LMAN2: variants seen among roughly 807,000 people sequenced by gnomAD.
LMAN2 encodes the protein lectin, mannose binding 2.
Under a neutral mutation model 39.3 loss-of-function variants are expected in LMAN2, and 22 were observed. That is an observed-to-expected ratio of 0.56 (90% CI 0.40 to 0.80). The LOEUF (loss-of-function observed/expected upper bound fraction) is 0.80. Among genes scored for constraint, LMAN2 ranks in the 30% least tolerant of loss-of-function variants. LMAN2 has a pLI of 0.00. For missense variants in LMAN2, 494 were observed against 505.4 expected, an observed-to-expected ratio of 0.98 and a Z score of 0.22; for synonymous variants, 207 against 207.8, an observed-to-expected ratio of 1.00 and a Z score of 0.03.
chr5:177,348,120 T>C (rs909404130), intron 2 of LMAN2, among the ~76,000 whole-genome samples: 1 of 152,184 alleles, frequency 6.6e-6, no homozygotes, highest in African/African-American at 2.4e-5. Context: ...GACATCCTAC[T>C]GAGATCTCAT....
chr5:177,351,454 T>C lies in LMAN2; in HGVS notation c.194A>G (p.Gln65Arg). Reference sequence around the variant, plus strand: ...CATTCCCGCCCCAAGGGCTTCACCTTGGTAGGGCTTAATGAGCGAATGCTC... The same window carrying C: ...CATTCCCGCCCCAAGGGCTTCACCTCGGTAGGGCTTAATGAGCGAATGCTC... ...KREHSLIKPY[Q>R]GVGSSSMPLW... is the part of the protein sequence containing the mutation. Residue 65 changes from glutamine (Q) to arginine (R), a missense_variant and splice_region_variant, in exon 1 of 8, where the codon CAA becomes CGA. Physicochemically the swap from Gln to Arg is conservative, Grantham distance 43. Transcript: ENST00000303127. The C allele has an allele frequency of 6.2e-7, 1 of 1,612,852 alleles. No individual in the cohort carries two copies. The highest frequency in any genetic ancestry group is 8.5e-7 in the Non-Finnish European group (1 of 1,179,276).
chr5:177,351,349 G>A, intron 1 of LMAN2, 58 bp from the exon 2 acceptor site: 1 of 1,608,384 alleles, frequency 6.2e-7, no homozygotes, highest in Non-Finnish European at 8.5e-7. Flanking sequence ...CCAGAGGCAG[G>A]AAACCCACAG....
In LMAN2 at chr5:177,332,344, G is replaced by A. The variant is rs569899569; in HGVS notation, c.911-98C>T. 7.1e-5 allele frequency: 83 copies of A among 1,172,028 alleles called. No individual in the cohort carries two copies. The highest frequency in any genetic ancestry group is 2.8e-4 in the Middle Eastern group (1 of 3,554). 72.6% of individuals were successfully genotyped at this position (1,172,028 alleles called of 1,614,324 possible). A position where few individuals can be genotyped will look rare whatever the true frequency, so the allele number is the denominator to read the frequency against. ...GGGATGGAACAGGACAGCCGGCCAC[G>A]GTGGGCAGGCCGGTCGTACTCACCC... is the stretch of plus-strand genomic sequence containing the variant. On this transcript the variant is annotated intron_variant, in intron 7 of 7. Coordinates refer to ENST00000303127, the MANE Select transcript of LMAN2 (RefSeq NM_006816.3). This position sits in a 1 kb window ranked among gnomAD's most constrained non-coding sequence, Gnocchi z 6.3.
At position 177,334,591 on chromosome 5, in the gene LMAN2, G is replaced by A. The variant is rs1051505338; in HGVS notation, c.791-188C>T. 1.7e-5 allele frequency: 11 copies of A among 641,990 alleles called. No individual in the cohort carries two copies. In the African/African-American group the frequency reaches 1.8e-4, roughly 11 times the overall value. 39.8% of individuals were successfully genotyped at this position (641,990 alleles called of 1,614,324 possible). On this transcript the variant is annotated intron_variant, in intron 6 of 7. Transcript: ENST00000303127. ...CTCCAGTCACCAGCAATAAAAAAGAGAGGAGGCAGAGTGGAGAGAAAACAG... is the reference window on the plus strand; with the variant it reads ...CTCCAGTCACCAGCAATAAAAAAGAAAGGAGGCAGAGTGGAGAGAAAACAG...
chr5:177,346,441 T>G (rs78238215), intron 2 of LMAN2: 22 of 399,336 alleles, frequency 5.5e-5, no homozygotes. Context: ...ACTATTTTAA[T>G]AAATTGATTA....
intron 6 of LMAN2, 118 bp from the exon 7 acceptor site, chr5:177,334,521 G>A (rs1440900721): frequency 1.4e-6 from 2 of 1,404,096 alleles, no homozygotes; most frequent in African/African-American, 1.4e-5. Flanking sequence ...GGCCCCTGGG[G>A]AGAGCACTGC....
chr5:177,333,263 C>G (rs1761417782), intron 7 of LMAN2, among the ~76,000 whole-genome samples: 1 of 152,264 alleles, frequency 6.6e-6, no homozygotes, highest in Non-Finnish European at 1.5e-5. Context: ...CCTGCCTGAT[C>G]TCGTGTCTCC....
chr5:177,346,829 T>G (rs1212057944), intron 2 of LMAN2, among the ~76,000 whole-genome samples: 1 of 152,054 alleles, frequency 6.6e-6, no homozygotes, highest in Non-Finnish European at 1.5e-5. Flanking sequence ...AACAAAGCTC[T>G]CTTAGTAACT....
In LMAN2 at chr5:177,337,157, C is replaced by A. The variant is rs1414561874; in HGVS notation, c.769G>T (p.Ala257Ser). 6.2e-7 allele frequency: 1 copy of A among 1,613,460 alleles called. No homozygotes were observed. The change falls in exon 6 of 8, where the codon GCC becomes TCC. Residue 257 changes from alanine to serine, a missense_variant. Ala to Ser is a moderately conservative substitution (Grantham distance 99, BLOSUM62 1). Coordinates refer to ENST00000303127, the MANE Select transcript of LMAN2 (RefSeq NM_006816.3). The surrounding 1 kb of genome is among the most constrained non-coding windows in gnomAD (Gnocchi z 8.2). The stretch of plus-strand genomic sequence containing the variant: ...TCACCAGACAGGTCGCCGGTGCCGG[C>A]GGAGGCCCCGAAGTAGTAGCCGGTG... ...LPTGYYFGAS[A>S]GTGDLSDNHD...
chr5:177,334,434 C>T, intron 6 of LMAN2, 31 bp from the exon 7 acceptor site: 2 of 1,600,084 alleles, frequency 1.2e-6, no homozygotes, highest in Non-Finnish European at 1.7e-6. Context: ...CTGTGACAGC[C>T]TACAGGCCAG....
In LMAN2 at chr5:177,349,980, G is replaced by T. The variant is rs568411275; in HGVS notation, c.315+1193C>A. Among the ~76,000 whole-genome samples, 7 of 152,290 alleles carry T rather than the reference G, an allele frequency of 4.6e-5. No individual in the cohort carries two copies. In the East Asian group the frequency reaches 7.7e-4, roughly 17 times the overall value. Reference sequence around the variant, plus strand: ...CTGAGGCAAGAAGGCAGCCAGGGGGGGCTGGAACAAAATTAACACAGAGAA... The same window carrying T: ...CTGAGGCAAGAAGGCAGCCAGGGGGTGCTGGAACAAAATTAACACAGAGAA... On this transcript the variant is annotated intron_variant, in intron 2 of 7. Transcript: ENST00000303127.
intron 6 of LMAN2, 94 bp from the exon 7 acceptor site, chr5:177,334,497 C>A: frequency 6.6e-7 from 1 of 1,504,826 alleles, no homozygotes; most frequent in Non-Finnish European, 8.9e-7. Flanking sequence ...CTGCTGCAGC[C>A]AGTAAACCTG....
At chr5:177,348,612 C>T (rs964328763) in intron 2 of LMAN2, among the ~76,000 whole-genome samples, 2 of 141,354 alleles carry the variant, frequency 1.4e-5, no homozygotes, top group Non-Finnish European at 3.0e-5. Context: ...CGCTTGAACT[C>T]GTGAGGTGGA....
Position 177,351,223 on chromosome 5 carries a change from G to A in LMAN2, c.265C>T (p.Arg89Cys), listed in dbSNP as rs561835192. Residue 89 changes from arginine (R) to cysteine (C), a missense_variant, in exon 2 of 8, where the codon CGT becomes TGT. Transcript: ENST00000303127. ...TTGCTGCGCTCGTCAGGGGTCAGAC[G>A]TACGTACTGGCTCGTGAGCATAGTG... is the stretch of plus-strand genomic sequence containing the variant. Reference protein sequence around the residue: ...GSTMLTSQYVRLTPDERSKEG... With the variant: ...GSTMLTSQYVCLTPDERSKEG... 1 of 1,614,220 alleles carries A rather than the reference G, an allele frequency of 6.2e-7. No homozygotes were observed. Among genetic ancestry groups the A allele is most frequent in the East Asian group, 2.2e-5 (1 of 44,890 alleles).
chr5:177,343,929 G>C (rs1761595189), intron 2 of LMAN2, among the ~76,000 whole-genome samples: 1 of 152,042 alleles, frequency 6.6e-6, no homozygotes, highest in Non-Finnish European at 1.5e-5. Flanking sequence ...GTTAAAATGG[G>C]CCAGGCGCAG....
At chr5:177,350,478 G>A in intron 2 of LMAN2, among the ~76,000 whole-genome samples, 1 of 152,162 alleles carries the variant, frequency 6.6e-6, no homozygotes, top group Non-Finnish European at 1.5e-5. Context: ...CTGAGGCAAA[G>A]GTCACAGACA....
Position 177,337,878 on chromosome 5 carries a change from A to G in LMAN2, c.434-93T>C. 9.4e-7 allele frequency: 1 copy of G among 1,059,312 alleles called. No individual in the cohort carries two copies. Among genetic ancestry groups the G allele is most frequent in the Non-Finnish European group, 1.4e-6 (1 of 699,298 alleles). The allele number at this position is 1,059,312 out of a possible 1,614,324, so 65.6% of individuals were successfully genotyped here. The stretch of plus-strand genomic sequence containing the variant: ...AAGCAATGCCAACATGGGTGGGGGC[A>G]AGAGAGCCCAACCCACTGGCCATTC... On this transcript the variant is annotated intron_variant, in intron 3 of 7. Coordinates refer to ENST00000303127, the MANE Select transcript of LMAN2 (RefSeq NM_006816.3). The surrounding 1 kb of genome is among the most constrained non-coding windows in gnomAD (Gnocchi z 8.2).
chr5:177,334,260 C>T (rs1483947636), intron 7 of LMAN2, 24 bp downstream of exon 7: 4 of 1,600,214 alleles, frequency 2.5e-6, no homozygotes. Flanking sequence ...CAGGCCCAGG[C>T]AGGGCGGGGC....
chr5:177,332,810 T>G lies in LMAN2; in HGVS notation c.911-564A>C, dbSNP rs1400231090. Reference sequence around the variant, plus strand: ...GATGGGGCCCACTGGTACGCTCCCTTGTACAGGCGGAGAGAAGACACTGAC... The same window carrying G: ...GATGGGGCCCACTGGTACGCTCCCTGGTACAGGCGGAGAGAAGACACTGAC... On this transcript the variant is annotated intron_variant, in intron 7 of 7. Coordinates refer to ENST00000303127, the MANE Select transcript of LMAN2 (RefSeq NM_006816.3). This position sits in a 1 kb window ranked among gnomAD's most constrained non-coding sequence, Gnocchi z 6.3. Among the ~76,000 whole-genome samples the G allele has an allele frequency of 6.6e-6, 1 of 152,114 alleles. No homozygotes were observed. Among genetic ancestry groups the G allele is most frequent in the Non-Finnish European group, 1.5e-5 (1 of 68,006 alleles).
Sources: allele counts gnomAD v4.1 joint callset (sites outside exome capture counted in the v4.1 genomes callset), GRCh38; gene constraint gnomAD v4.1.1; non-coding constraint Gnocchi (gnomAD v3.1); transcripts MANE v1.5; gene names NCBI Gene and HGNC (gene_info 2026-07-23, HGNC 2026-07-21).